FBXL17: variants seen among roughly 807,000 people sequenced by gnomAD.
FBXL17 encodes the protein F-box and leucine rich repeat protein 17.
A neutral mutation model predicts 66.2 loss-of-function variants in FBXL17; 22 were observed. That is an observed-to-expected ratio of 0.33 (90% CI 0.24 to 0.47). The LOEUF is 0.47. FBXL17 is among the 20% of genes least tolerant of loss of function. The probability of loss-of-function intolerance (pLI) is 1.00; values close to 1 mark genes in which losing one functional copy is unlikely to be tolerated. For missense variants in FBXL17, 878 were observed against 948.2 expected (o/e 0.93, Z 0.97); for synonymous variants, 474 against 400.5 (o/e 1.18, Z -2.19).
intron 8 of FBXL17, among the ~76,000 whole-genome samples, chr5:107,871,568 G>C (rs1446628964): frequency 6.6e-6 from 1 of 152,106 alleles, no homozygotes; most frequent in Non-Finnish European, 1.5e-5. Flanking sequence ...ACAACCATGT[G>C]TTGGCCGCTC....
At chr5:108,106,916 A>C (rs1224872818) in intron 6 of FBXL17, among the ~76,000 whole-genome samples, 1 of 152,228 alleles carries the variant, frequency 6.6e-6, no homozygotes, top group Non-Finnish European at 1.5e-5. Context: ...AGTACACCTT[A>C]AATGGGTGAA....
chr5:108,240,085 TTAAG>T (rs897215853), intron 4 of FBXL17, among the ~76,000 whole-genome samples: 1 of 152,106 alleles, frequency 6.6e-6, no homozygotes, highest in African/African-American at 2.4e-5. Flanking sequence ...GCCATGGGCC[TTAAG>T]TGAGACTTAA....
intron 6 of FBXL17, among the ~76,000 whole-genome samples, chr5:108,134,400 T>C (rs534269209): frequency 1.3e-5 from 2 of 152,322 alleles, no homozygotes; most frequent in Non-Finnish European, 2.9e-5. Flanking sequence ...ATTTAATACA[T>C]GAGGTTTTCT....
chr5:107,898,957 TTA>T (rs1749477321), intron 7 of FBXL17, among the ~76,000 whole-genome samples: 1 of 152,188 alleles, frequency 6.6e-6, no homozygotes, highest in African/African-American at 2.4e-5. Flanking sequence ...ATAGAATGAT[TTA>T]TATTCCTTTG....
chr5:108,221,645 ATTAT>A (rs1754870311), intron 5 of FBXL17, among the ~76,000 whole-genome samples: 1 of 152,144 alleles, frequency 6.6e-6, no homozygotes. Context: ...CATCCTCTTG[ATTAT>A]TTATTATGTA....
intron 6 of FBXL17, among the ~76,000 whole-genome samples, chr5:108,044,465 C>T (rs988362421): frequency 6.6e-6 from 1 of 152,010 alleles, no homozygotes; most frequent in African/African-American, 2.4e-5. Context: ...TTTTTGAATA[C>T]CAAACCAGCC....
At chr5:108,263,378 T>C (rs1174420615) in intron 4 of FBXL17, among the ~76,000 whole-genome samples, 3 of 152,196 alleles carry the variant, frequency 2.0e-5, no homozygotes, top group Admixed American at 2.0e-4. Flanking sequence ...AAAAAAACAA[T>C]AAAATGTTTA....
intron 7 of FBXL17, among the ~76,000 whole-genome samples, chr5:107,899,423 C>T (rs2112529639): frequency 6.6e-6 from 1 of 152,190 alleles, no homozygotes; most frequent in Middle Eastern, 3.4e-3. Flanking sequence ...AGAGGGACAG[C>T]CTGAGGCCAG....
chr5:108,019,522 GA>G (rs1173659797), intron 7 of FBXL17, among the ~76,000 whole-genome samples: 2 of 152,008 alleles, frequency 1.3e-5, no homozygotes, highest in Non-Finnish European at 1.5e-5. Flanking sequence ...AATTGGCAGT[GA>G]AAAAGGGGGA....
intron 5 of FBXL17, among the ~76,000 whole-genome samples, chr5:108,217,048 G>A (rs1754634126): frequency 1.3e-5 from 2 of 152,104 alleles, no homozygotes; most frequent in Non-Finnish European, 2.9e-5. Flanking sequence ...TGGACTGTAA[G>A]TCTGGCCTCT....
intron 6 of FBXL17, among the ~76,000 whole-genome samples, chr5:108,032,707 A>AT (rs1316985074): frequency 6.6e-6 from 1 of 152,166 alleles, no homozygotes; most frequent in Admixed American, 6.5e-5. Context: ...ACACCCTGAT[A>AT]TTGGCCAGGG....
At chr5:108,283,853 A>T (rs1056211250) in intron 4 of FBXL17, among the ~76,000 whole-genome samples, 3 of 151,906 alleles carry the variant, frequency 2.0e-5, no homozygotes, top group Admixed American at 2.0e-4. Context: ...GACTACAAAT[A>T]ACCCCATTTA....
At chr5:107,942,980 T>C (rs1751162381) in intron 7 of FBXL17, among the ~76,000 whole-genome samples, 1 of 152,188 alleles carries the variant, frequency 6.6e-6, no homozygotes, top group South Asian at 2.1e-4. Context: ...TTCACTGAAT[T>C]GACCTTTTGG....
At chr5:108,241,775 C>G (rs1192939875) in intron 4 of FBXL17, among the ~76,000 whole-genome samples, 2 of 151,956 alleles carry the variant, frequency 1.3e-5, no homozygotes, top group African/African-American at 4.8e-5. Context: ...AAACAAAAAA[C>G]AAAAAACAAA....
chr5:108,154,889 A>G (rs1751936294), intron 6 of FBXL17, among the ~76,000 whole-genome samples: 1 of 151,744 alleles, frequency 6.6e-6, no homozygotes, highest in East Asian at 1.9e-4. Flanking sequence ...GAAGCAAAAA[A>G]TGAAGTCAAG....
chr5:108,057,027 AAAAAGCATCC>A (rs1294535651), intron 6 of FBXL17, among the ~76,000 whole-genome samples: 6 of 152,354 alleles, frequency 3.9e-5, no homozygotes, highest in African/African-American at 9.6e-5. Flanking sequence ...GAGATTTAAC[AAAAAGCATCC>A]AAAAGCATCC....
intron 4 of FBXL17, among the ~76,000 whole-genome samples, chr5:108,330,166 T>C (rs919461670): frequency 2.1e-4 from 32 of 152,180 alleles, no homozygotes; most frequent in Non-Finnish European, 3.1e-4. Flanking sequence ...AACAGAATCA[T>C]GTATGCCCTA....
At chr5:108,200,572 G>A (rs1462914855) in intron 5 of FBXL17, among the ~76,000 whole-genome samples, 1 of 151,922 alleles carries the variant, frequency 6.6e-6, no homozygotes, top group Non-Finnish European at 1.5e-5. Context: ...TTGTTTCACT[G>A]TTAAAGATTC....
intron 6 of FBXL17, among the ~76,000 whole-genome samples, chr5:108,097,593 A>G (rs980854423): frequency 2.0e-5 from 3 of 152,026 alleles, no homozygotes; most frequent in Non-Finnish European, 2.9e-5. Flanking sequence ...GTTCGAGACC[A>G]GCCTGACCAA....
Sources: allele counts gnomAD v4.1 joint callset (sites outside exome capture counted in the v4.1 genomes callset), GRCh38; gene constraint gnomAD v4.1.1; transcripts MANE v1.5; gene names NCBI Gene and HGNC (gene_info 2026-07-23, HGNC 2026-07-21).